Variants in CIB4 observed in about 807,000 individuals in gnomAD.
CIB4 encodes calcium and integrin binding family member 4, also known as calcium and integrin-binding family member 4.
A neutral mutation model predicts 25.8 loss-of-function variants in CIB4; 25 were observed. The observed-to-expected ratio is 0.97, with a 90% CI of 0.71 to 1.35. The LOEUF is 1.35. Ranked by LOEUF, CIB4 falls within the 40% of genes most tolerant of loss-of-function variation. The pLI is 0.00. For synonymous variants in CIB4, 75 were observed against 81.4 expected, an observed-to-expected ratio of 0.92 and a Z score of 0.42; for missense variants, 235 against 228.2, an observed-to-expected ratio of 1.03 and a Z score of -0.19.
At chr2:26,596,376 G>T (rs1042671789) in intron 3 of CIB4, among the ~76,000 whole-genome samples, 2 of 152,208 alleles carry the variant, frequency 1.3e-5, no homozygotes, top group African/African-American at 4.8e-5. Context: ...CTGCAGTCAG[G>T]AAGGTAAGCC....
intron 3 of CIB4, among the ~76,000 whole-genome samples, chr2:26,607,343 A>C (rs969315250): frequency 1.3e-5 from 2 of 152,258 alleles, no homozygotes; most frequent in African/African-American, 2.4e-5. Context: ...AAAAGAACAA[A>C]AAAGATAACC....
At chr2:26,593,457 T>A (rs1431466908) in intron 4 of CIB4, among the ~76,000 whole-genome samples, 20 of 147,186 alleles carry the variant, frequency 1.4e-4, no homozygotes, top group African/African-American at 5.1e-4. Flanking sequence ...ACACATACAC[T>A]CACATACATA....
intron 2 of CIB4, among the ~76,000 whole-genome samples, chr2:26,631,697 C>T (rs1388325894): frequency 6.6e-6 from 1 of 152,176 alleles, no homozygotes; most frequent in East Asian, 1.9e-4. Flanking sequence ...ATTCTGTGTG[C>T]CCACTGCACT....
At chr2:26,613,154 C>T (rs1341004280) in intron 3 of CIB4, among the ~76,000 whole-genome samples, 2 of 152,170 alleles carry the variant, frequency 1.3e-5, no homozygotes, top group East Asian at 3.9e-4. Flanking sequence ...GCCTGATCCC[C>T]CAGCTTATGC....
rs147066936 is a variant in CIB4, at chr2:26,632,321, G to A, written c.90-2815C>T. ...TCACTAGGGTCTAGAGACTGCACACGTTTGGGAGGGAGCAGAAAGCAGAGT... is the reference window on the plus strand; with the variant it reads ...TCACTAGGGTCTAGAGACTGCACACATTTGGGAGGGAGCAGAAAGCAGAGT... On this transcript the variant is annotated intron_variant, in intron 2 of 6. Coordinates refer to ENST00000288861, the MANE Select transcript of CIB4 (RefSeq NM_001029881.3). Among the ~76,000 whole-genome samples the A allele has an allele frequency of 5.0e-3, 762 of 152,346 alleles. 4 individuals are homozygous for A. Among genetic ancestry groups the A allele is most frequent in the African/African-American group, 0.018 (732 of 41,568 alleles).
intron 4 of CIB4, among the ~76,000 whole-genome samples, chr2:26,587,800 A>G (rs1668485632): frequency 6.6e-6 from 1 of 152,208 alleles, no homozygotes; most frequent in Non-Finnish European, 1.5e-5. Flanking sequence ...CAAACCAAAG[A>G]GGCTTTATAA....
At chr2:26,603,779 C>T (rs1668837497) in intron 3 of CIB4, among the ~76,000 whole-genome samples, 1 of 152,132 alleles carries the variant, frequency 6.6e-6, no homozygotes, top group South Asian at 2.1e-4. Context: ...AGGCAGATCA[C>T]TTGAGCCCAG....
intron 3 of CIB4, among the ~76,000 whole-genome samples, chr2:26,620,226 G>A (rs370826841): frequency 6.7e-5 from 10 of 149,536 alleles, no homozygotes; most frequent in East Asian, 4.0e-4. Context: ...ATCCCACAGC[G>A]GGGAAGGTGA....
At chr2:26,612,954 C>T (rs530902747) in intron 3 of CIB4, among the ~76,000 whole-genome samples, 21 of 152,210 alleles carry the variant, frequency 1.4e-4, no homozygotes, top group African/African-American at 4.8e-4. Flanking sequence ...GCCTTTGCCT[C>T]CATTCCCCTA....
chr2:26,591,814 C>T (rs576338934), intron 4 of CIB4, among the ~76,000 whole-genome samples: 19 of 152,196 alleles, frequency 1.2e-4, no homozygotes, highest in Non-Finnish European at 2.2e-4. Context: ...GCCCATGTGT[C>T]CAGGAGCTGA....
intron 4 of CIB4, among the ~76,000 whole-genome samples, chr2:26,593,442 T>C (rs1197712026): frequency 1.5e-4 from 22 of 148,872 alleles, no homozygotes; most frequent in African/African-American, 4.8e-4. Context: ...ACACTATATA[T>C]ACCCACACAT....
At chr2:26,595,018 T>G (rs961740820) in intron 4 of CIB4, among the ~76,000 whole-genome samples, 158 bp downstream of exon 4, 1 of 152,118 alleles carries the variant, frequency 6.6e-6, no homozygotes, top group Non-Finnish European at 1.5e-5. Context: ...ATCTTTTTTT[T>G]TTATTCCATG....
At chr2:26,611,999 T>G (rs1669003424) in intron 3 of CIB4, among the ~76,000 whole-genome samples, 1 of 152,252 alleles carries the variant, frequency 6.6e-6, no homozygotes, top group Non-Finnish European at 1.5e-5. Flanking sequence ...TTTCTTAAAA[T>G]TTTATTTTAT....
At chr2:26,621,252 G>GGA (rs369471592) in intron 3 of CIB4, among the ~76,000 whole-genome samples, 4 of 101,912 alleles carry the variant, frequency 3.9e-5, no homozygotes, top group East Asian at 2.8e-4. Context: ...AAGTTTCCAG[G>GGA]AAAAAAAAAA....
chr2:26,600,944 C>A (rs557546874), intron 3 of CIB4, among the ~76,000 whole-genome samples: 2 of 152,036 alleles, frequency 1.3e-5, no homozygotes, highest in Admixed American at 6.5e-5. Flanking sequence ...GATATCAAGA[C>A]CTAGGCTGGG....
intron 3 of CIB4, among the ~76,000 whole-genome samples, chr2:26,596,163 C>T (rs1173287983): frequency 6.6e-6 from 1 of 152,080 alleles, no homozygotes; most frequent in East Asian, 1.9e-4. Flanking sequence ...TGTGAAAAAC[C>T]ACATTTCTGC....
At chr2:26,596,211 A>G (rs1668679983) in intron 3 of CIB4, among the ~76,000 whole-genome samples, 1 of 152,214 alleles carries the variant, frequency 6.6e-6, no homozygotes, top group Non-Finnish European at 1.5e-5. Flanking sequence ...ACTGAATAGT[A>G]AATGAATGTC....
intron 3 of CIB4, among the ~76,000 whole-genome samples, chr2:26,609,972 C>T (rs1668967392): frequency 1.3e-5 from 2 of 152,232 alleles, no homozygotes; most frequent in Admixed American, 6.5e-5. Context: ...GACCAGGCAG[C>T]GGAAGCTTAG....
At chr2:26,640,182 A>T (rs545494155) in intron 2 of CIB4, among the ~76,000 whole-genome samples, 1 of 152,340 alleles carries the variant, frequency 6.6e-6, no homozygotes. Flanking sequence ...CAGCCAGTGG[A>T]CAGCCAAAAT....
Sources: allele counts gnomAD v4.1 joint callset (sites outside exome capture counted in the v4.1 genomes callset), GRCh38; gene constraint gnomAD v4.1.1; transcripts MANE v1.5; gene names NCBI Gene and HGNC (gene_info 2026-07-23, HGNC 2026-07-21).